The following FBXO47 variants were observed in gnomAD, a reference collection of about 807,000 sequenced individuals.
FBXO47 encodes F-box protein 47.
Under a neutral mutation model 53.9 loss-of-function variants are expected in FBXO47, and 34 were observed. The ratio of observed to expected loss-of-function variants is 0.63; its 90% CI spans 0.48 to 0.84. The LOEUF (loss-of-function observed/expected upper bound fraction) is 0.84. FBXO47 is among the 40% of genes least tolerant of loss of function. The pLI, the probability that FBXO47 is intolerant of heterozygous loss-of-function variation, is 0.00. For synonymous variants in FBXO47, 165 were observed against 181.6 expected, an observed-to-expected ratio of 0.91 and a Z score of 0.73; for missense variants, 485 against 541.3, an observed-to-expected ratio of 0.90 and a Z score of 1.03.
rs73301149 is a variant in FBXO47, at chr17:38,961,563, C to T, written c.352+314G>A. Among the ~76,000 whole-genome samples the T allele has an allele frequency of 2.8e-3, 421 of 152,300 alleles. 4 individuals are homozygous for T. The highest frequency in any genetic ancestry group is 9.3e-3 in the African/African-American group (386 of 41,554). On this transcript the variant is annotated intron_variant, in intron 3 of 10. Coordinates refer to ENST00000378079, the MANE Select transcript of FBXO47 (RefSeq NM_001008777.3). ...GGAAAAGAGATAAAGAGATAAAACTCACTTGATCCACAGGAAGTGACGCAT... is the reference window on the plus strand; with the variant it reads ...GGAAAAGAGATAAAGAGATAAAACTTACTTGATCCACAGGAAGTGACGCAT...
intron 3 of FBXO47, among the ~76,000 whole-genome samples, chr17:38,959,957 C>T (rs568814127): frequency 1.3e-5 from 2 of 151,778 alleles, no homozygotes; most frequent in African/African-American, 2.4e-5. Context: ...TCAGCTGGGC[C>T]GCCATGCCCA....
chr17:38,963,144 G>A (rs368613229), intron 1 of FBXO47, 93 bp from the exon 2 acceptor site: 10 of 729,032 alleles, frequency 1.4e-5, no homozygotes, highest in East Asian at 7.6e-5. Context: ...TTGATAGTAC[G>A]ATATGCAATA....
intron 6 of FBXO47, among the ~76,000 whole-genome samples, chr17:38,946,436 A>G (rs1904852487): frequency 1.0e-5 from 1 of 96,234 alleles, no homozygotes; most frequent in African/African-American, 4.6e-5. Context: ...ATAAATATAT[A>G]TGAATATATA....
intron 4 of FBXO47, among the ~76,000 whole-genome samples, chr17:38,955,294 A>C: frequency 6.6e-6 from 1 of 151,326 alleles, no homozygotes; most frequent in East Asian, 2.0e-4. Flanking sequence ...AGGCTGAGGC[A>C]GGAGAATGGC....
intron 7 of FBXO47, 71 bp downstream of exon 7, chr17:38,944,889 A>AAT: frequency 1.1e-6 from 1 of 908,346 alleles, no homozygotes. Flanking sequence ...ATGCTTCCTA[A>AAT]ATATATATAT....
chr17:38,947,231 T>C lies in FBXO47; in HGVS notation c.617-2095A>G, dbSNP rs746523787. 1.7e-4 allele frequency among the ~76,000 whole-genome samples: 25 copies of C among 151,204 alleles called. No homozygotes were observed. In the South Asian group the frequency reaches 4.4e-3, roughly 26 times the overall value. ...AGGAGAATCACTTGAACCCTGGAGATGGAGGTGGCAGCGAGCTGAGATCTC... is the reference window on the plus strand; with the variant it reads ...AGGAGAATCACTTGAACCCTGGAGACGGAGGTGGCAGCGAGCTGAGATCTC... On this transcript the variant is annotated intron_variant, in intron 6 of 10. Transcript: ENST00000378079.
intron 1 of FBXO47, among the ~76,000 whole-genome samples, chr17:38,965,520 C>T (rs1451605177): frequency 6.6e-6 from 1 of 151,690 alleles, no homozygotes; most frequent in Non-Finnish European, 1.5e-5. Flanking sequence ...CATACCACAG[C>T]GATTGGGGTC....
intron 3 of FBXO47, among the ~76,000 whole-genome samples, chr17:38,960,326 G>A (rs1175814370): frequency 6.6e-6 from 1 of 151,676 alleles, no homozygotes; most frequent in African/African-American, 2.4e-5. Flanking sequence ...TGAGAAAATG[G>A]TAAGTATATC....
At chr17:38,946,877 TATATAA>T (rs1227468159) in intron 6 of FBXO47, among the ~76,000 whole-genome samples, 1 of 114,034 alleles carries the variant, frequency 8.8e-6, no homozygotes, top group Admixed American at 1.1e-4. Flanking sequence ...TATAAACATA[TATATAA>T]ATATATATAT....
At chr17:38,956,835 C>A (rs1905580106) in intron 4 of FBXO47, among the ~76,000 whole-genome samples, 2 of 152,016 alleles carry the variant, frequency 1.3e-5, no homozygotes, top group Non-Finnish European at 2.9e-5. Flanking sequence ...TTTCAAAATT[C>A]AGAAATTATT....
At chr17:38,949,325 T>C (rs1480751433) in intron 6 of FBXO47, among the ~76,000 whole-genome samples, 1 of 151,570 alleles carries the variant, frequency 6.6e-6, no homozygotes, top group African/African-American at 2.4e-5. Flanking sequence ...GAGGCTGAGG[T>C]TGGAGGATTG....
intron 6 of FBXO47, among the ~76,000 whole-genome samples, chr17:38,947,203 G>A (rs1904992259): frequency 6.6e-6 from 1 of 150,514 alleles, no homozygotes; most frequent in African/African-American, 2.4e-5. Context: ...AGGAGGCTGA[G>A]ACAGGAGAAT....
chr17:38,959,529 G>A (rs981645720), intron 3 of FBXO47, among the ~76,000 whole-genome samples: 1 of 145,716 alleles, frequency 6.9e-6, no homozygotes, highest in African/African-American at 2.6e-5. Context: ...GCAGTGAGCC[G>A]AGGCTGTGCC....
intron 4 of FBXO47, among the ~76,000 whole-genome samples, chr17:38,955,152 C>T (rs1000315983): frequency 1.3e-5 from 2 of 152,044 alleles, no homozygotes; most frequent in Non-Finnish European, 2.9e-5. Context: ...CTTTGGGAGG[C>T]CGAGGTGGGC....
chr17:38,946,409 GAT>G lies in FBXO47; in HGVS notation c.617-1275_617-1274del, dbSNP rs1302200901. ...ATATATATCTATATATAAATATATA[GAT>G]ATATATATAACTATATAAATATATA... On this transcript the variant is annotated intron_variant, in intron 6 of 10. Transcript: ENST00000378079. 9.0e-3 allele frequency among the ~76,000 whole-genome samples: 466 copies of G among 52,038 alleles called. 24 individuals are homozygous for G. The highest frequency in any genetic ancestry group is 0.05 in the Middle Eastern group (2 of 40). The allele number at this position is 52,038 out of a possible 152,430, so 34.1% of individuals were successfully genotyped here.
rs1424635401 is a variant in FBXO47, at chr17:38,954,833, T to C, written c.507+23A>G. 6 of 1,475,346 alleles carry C rather than the reference T, an allele frequency of 4.1e-6. No homozygotes were observed. The South Asian group carries it at 5.9e-5, about 14-fold the overall frequency. 91.4% of individuals were successfully genotyped at this position (1,475,346 alleles called of 1,614,324 possible). A position where few individuals can be genotyped will look rare whatever the true frequency, so the allele number is the denominator to read the frequency against. ...ATCAGTTCCAAAGGTATCCCTTTTCTTCTCTGATTAAAAAAAATGTACCTG... is the reference window on the plus strand; with the variant it reads ...ATCAGTTCCAAAGGTATCCCTTTTCCTCTCTGATTAAAAAAAATGTACCTG... On this transcript the variant is annotated intron_variant, in intron 5 of 10. Transcript: ENST00000378079.
At chr17:38,945,909 C>A (rs12602617) in intron 6 of FBXO47, among the ~76,000 whole-genome samples, 1 of 133,772 alleles carries the variant, frequency 7.5e-6, no homozygotes, top group Admixed American at 8.3e-5. Context: ...GCACTCCAGC[C>A]TGGGTGACAG....
At chr17:38,948,841 G>A (rs926063896) in intron 6 of FBXO47, among the ~76,000 whole-genome samples, 3 of 151,934 alleles carry the variant, frequency 2.0e-5, no homozygotes, top group Non-Finnish European at 2.9e-5. Context: ...TGCCATGGTG[G>A]TTTGCTGCAT....
intron 6 of FBXO47, among the ~76,000 whole-genome samples, chr17:38,946,859 T>C (rs1182222124): frequency 3.0e-4 from 34 of 112,962 alleles, no homozygotes; most frequent in Non-Finnish European, 4.7e-4. Flanking sequence ...TAAAAATATA[T>C]ATAAATATAT....
Sources: allele counts gnomAD v4.1 joint callset (sites outside exome capture counted in the v4.1 genomes callset), GRCh38; gene constraint gnomAD v4.1.1; transcripts MANE v1.5; gene names NCBI Gene and HGNC (gene_info 2026-07-23, HGNC 2026-07-21).